Variants in COL5A3 observed in about 807,000 individuals in gnomAD.
COL5A3 encodes collagen alpha-3(V) chain.
A neutral mutation model predicts 250.0 loss-of-function variants in COL5A3; 172 were observed. That is an observed-to-expected ratio of 0.69 (90% CI 0.61 to 0.78). The LOEUF is 0.78. Ranked by LOEUF, COL5A3 falls within the 30% of genes least tolerant of loss-of-function variation. The pLI is 0.00. For synonymous variants in COL5A3, 937 were observed against 900.4 expected, an observed-to-expected ratio of 1.04 and a Z score of -0.73; for missense variants, 2,340 against 2,334.4, an observed-to-expected ratio of 1.00 and a Z score of -0.05.
chr19:9,986,692 G>A, intron 28 of COL5A3, 22 bp downstream of exon 28: 1 of 1,613,696 alleles, frequency 6.2e-7, no homozygotes, highest in Non-Finnish European at 8.5e-7. Context: ...CCTCTCCTCT[G>A]ATGAGTTCCT....
intron 19 of COL5A3, 84 bp downstream of exon 19, chr19:9,993,296 G>A: frequency 1.4e-6 from 2 of 1,476,326 alleles, no homozygotes; most frequent in Non-Finnish European, 1.9e-6. Context: ...TGGCCACTGA[G>A]ACCTCCAGAT....
Position 10,010,433 on chromosome 19 carries a change from G to T in COL5A3, c.-48C>A, listed in dbSNP as rs915160209. 5 of 1,254,836 alleles carry T rather than the reference G, an allele frequency of 4.0e-6. No homozygotes were observed. The highest frequency in any genetic ancestry group is 5.2e-6 in the Non-Finnish European group (5 of 970,016). The allele number at this position is 1,254,836 out of a possible 1,614,324, so 77.7% of individuals were successfully genotyped here. On this transcript the variant is annotated 5_prime_UTR_variant, in exon 1 of 67. Coordinates refer to ENST00000264828, the MANE Select transcript of COL5A3 (RefSeq NM_015719.4). ...GCGGGGAACCAGTCGGGGCGGCTGC[G>T]GGGCGCGGCGACTTCTCGGGCTCGG...
chr19:9,960,958 T>G (rs918542), intron 65 of COL5A3, 68 bp from the exon 66 acceptor site: 37 of 1,570,514 alleles, frequency 2.4e-5, no homozygotes, highest in African/African-American at 1.2e-4. Context: ...AGCCACCCCC[T>G]GGAATCTCCA....
At position 9,980,670 on chromosome 19, in the gene COL5A3, G is replaced by T; in HGVS notation, c.2582C>A (p.Ala861Asp). 1 of 1,613,810 alleles carries T rather than the reference G, an allele frequency of 6.2e-7. No individual in the cohort carries two copies. Among genetic ancestry groups the T allele is most frequent in the Non-Finnish European group, 8.5e-7 (1 of 1,179,980 alleles). Reference sequence around the variant, plus strand: ...CACCTTTTCTCCAGGGATCCCAGGGGCTCCATCCTGGCCCACATCGCCCTA... The same window carrying T: ...CACCTTTTCTCCAGGGATCCCAGGGTCTCCATCCTGGCCCACATCGCCCTA... ...GPKGDVGQDG[A>D]PGIPGEKGLP... is the part of the protein sequence containing the mutation. The change falls in exon 35 of 67, where the codon GCC (alanine) becomes GAC (aspartate). Residue 861 changes from alanine to aspartate, a missense_variant. Coordinates refer to ENST00000264828, the MANE Select transcript of COL5A3 (RefSeq NM_015719.4).
Position 9,974,314 on chromosome 19 carries a change from G to A in COL5A3, c.3437C>T (p.Pro1146Leu). 1.2e-6 allele frequency: 2 copies of A among 1,611,904 alleles called. No homozygotes were observed. Among genetic ancestry groups the A allele is most frequent in the Non-Finnish European group, 1.7e-6 (2 of 1,178,948 alleles). The change falls in exon 46 of 67, where the codon CCT becomes CTT. Residue 1146 changes from proline to leucine, a missense_variant. Around this residue, in one of 3 missense-constraint regions of COL5A3, gnomAD observed 1,179 missense variants for 1,162.6 expected, o/e 1.01. Coordinates refer to ENST00000264828, the MANE Select transcript of COL5A3 (RefSeq NM_015719.4). ...GVRGFVGVIG[P>L]PGLQGLPGPP... ...CCAGACACCCACCTGCAGTCCAGGAGGGCCAATCACCCCCACAAAGCCTCT... is the reference window on the plus strand; with the variant it reads ...CCAGACACCCACCTGCAGTCCAGGAAGGCCAATCACCCCCACAAAGCCTCT...
intron 41 of COL5A3, among the ~76,000 whole-genome samples, chr19:9,977,978 ATATAT>A (rs1287545630): frequency 1.7e-5 from 2 of 119,918 alleles, no homozygotes; most frequent in Non-Finnish European, 3.7e-5. Flanking sequence ...ATATATATAT[ATATAT>A]ATTTGTAGAG....
chr19:9,979,739 T>G, intron 37 of COL5A3, 100 bp downstream of exon 37: 1 of 1,143,074 alleles, frequency 8.7e-7, no homozygotes. Context: ...TGAGCCGAGA[T>G]TGCCCCACTG....
At chr19:9,992,125 G>A (rs2087202749) in intron 21 of COL5A3, 77 bp from the exon 22 acceptor site, 1 of 1,313,692 alleles carries the variant, frequency 7.6e-7, no homozygotes, top group African/African-American at 1.4e-5. Flanking sequence ...AGAGATGCAG[G>A]TGGAAAGGTG....
intron 41 of COL5A3, 118 bp from the exon 42 acceptor site, chr19:9,977,819 C>T (rs965513576): frequency 1.3e-6 from 1 of 747,894 alleles, no homozygotes; most frequent in Non-Finnish European, 1.9e-6. Context: ...AACCTGTTCC[C>T]CTCCTGCAGC....
intron 33 of COL5A3, 76 bp from the exon 34 acceptor site, chr19:9,980,935 TCCCC>T (rs1402867062): frequency 7.9e-6 from 12 of 1,527,662 alleles, no homozygotes; most frequent in Middle Eastern, 2.3e-4. Context: ...GTCTTCCAGG[TCCCC>T]TCCCCTTGTG....
In COL5A3 at chr19:9,996,639, T is replaced by G. The variant is rs761949679; in HGVS notation, c.1314A>C (p.Pro438=). 3 of 1,613,324 alleles carry G rather than the reference T, an allele frequency of 1.9e-6. No homozygotes were observed. Among genetic ancestry groups the G allele is most frequent in the African/African-American group, 1.3e-5 (1 of 74,966 alleles). ...GIPGIDGIRG[P]PGTVIMMPFQ... ...CCGGCATCATGATCACAGTGCCCGGTGGGCCTCGGATCCCATCAATGCCGG... is the reference window on the plus strand; with the variant it reads ...CCGGCATCATGATCACAGTGCCCGGGGGGCCTCGGATCCCATCAATGCCGG... Residue 438 remains proline (P), a synonymous_variant, in exon 12 of 67, where the codon CCA becomes CCC. Coordinates refer to ENST00000264828, the MANE Select transcript of COL5A3 (RefSeq NM_015719.4).
In COL5A3 at chr19:10,005,611, T is replaced by C; in HGVS notation, c.541A>G (p.Ile181Val). The change falls in exon 4 of 67, where the codon ATA becomes GTA. Residue 181 changes from isoleucine (I) to valine (V), a missense_variant. Around this residue, in one of 3 missense-constraint regions of COL5A3, gnomAD observed 1,152 missense variants for 1,146.3 expected, o/e 1.00. Coordinates refer to ENST00000264828, the MANE Select transcript of COL5A3 (RefSeq NM_015719.4). Reference sequence around the variant, plus strand: ...GTCCCCAGCACAGTGAGTCCAGCTATGCTGATGAAGCGGGGGCCATGGCCC... The same window carrying C: ...GTCCCCAGCACAGTGAGTCCAGCTACGCTGATGAAGCGGGGGCCATGGCCC... Reference protein sequence around the residue: ...VLGHGPRFISIAGLTVLGTQD... With the variant: ...VLGHGPRFISVAGLTVLGTQD... 6.2e-7 allele frequency: 1 copy of C among 1,614,130 alleles called. No individual in the cohort carries two copies.
At position 10,001,832 on chromosome 19, in the gene COL5A3, G is replaced by A. The variant is rs752184300; in HGVS notation, c.899C>T (p.Pro300Leu). The A allele has an allele frequency of 2.4e-5, 39 of 1,614,000 alleles. No homozygotes were observed. The highest frequency in any genetic ancestry group is 5.5e-5 in the South Asian group (5 of 91,088). ...KTETPAPNLP[P>L]TPTPLVVTST... ...GGTGACGACCAAAGGCGTGGGGGTC[G>A]GAGGCAGATTTGGAGCTGGAGTCTC... The change falls in exon 7 of 67, where the codon CCG (proline) becomes CTG (leucine). Residue 300 changes from proline (P) to leucine (L), a missense_variant. Physicochemically the swap from Pro to Leu is moderately conservative, Grantham distance 98. Transcript: ENST00000264828.
intron 35 of COL5A3, 135 bp downstream of exon 35, chr19:9,980,513 C>T (rs1332784076): frequency 2.3e-6 from 3 of 1,299,772 alleles, no homozygotes; most frequent in Non-Finnish European, 3.2e-6. Context: ...AGGCGTGCAC[C>T]ACCACACCCA....
chr19:9,980,422 G>C (rs934997461), intron 35 of COL5A3, among the ~76,000 whole-genome samples: 2 of 151,988 alleles, frequency 1.3e-5, no homozygotes, highest in Non-Finnish European at 2.9e-5. Flanking sequence ...GGAGTGCAGT[G>C]GTGTGATTAG....
rs1599546100 is a variant in COL5A3 at position 9,979,793 on chromosome 19, A to G, written c.2712+46T>C. 1.1e-5 allele frequency: 8 copies of G among 757,592 alleles called. No individual in the cohort carries two copies. The East Asian group carries it at 3.0e-4, about 28-fold the overall frequency. The allele number at this position is 757,592 out of a possible 1,614,324, so 46.9% of individuals were successfully genotyped here. On this transcript the variant is annotated intron_variant, in intron 37 of 66. Transcript: ENST00000264828. Reference sequence around the variant, plus strand: ...AGAGTGAGACTCTGTCTCAAAAAGAAAAAAAAAAAAAAGGATCAGGAATCA... The same window carrying G: ...AGAGTGAGACTCTGTCTCAAAAAGAGAAAAAAAAAAAAGGATCAGGAATCA...
intron 40 of COL5A3, 33 bp downstream of exon 40, chr19:9,978,858 G>C: frequency 7.7e-7 from 1 of 1,304,404 alleles, no homozygotes; most frequent in Non-Finnish European, 1.0e-6. Flanking sequence ...CCTTCTCTAA[G>C]GGACATGCAG....
At chr19:10,008,810 C>A (rs936704258) in intron 1 of COL5A3, among the ~76,000 whole-genome samples, 1 of 152,152 alleles carries the variant, frequency 6.6e-6, no homozygotes, top group Non-Finnish European at 1.5e-5. Flanking sequence ...TTTAACACCT[C>A]GGACTTCTGA....
chr19:10,000,713 A>AT (rs1429224676), intron 8 of COL5A3, among the ~76,000 whole-genome samples: 4 of 152,216 alleles, frequency 2.6e-5, no homozygotes, highest in African/African-American at 7.2e-5. Flanking sequence ...AGAGTCAACT[A>AT]TTAGCACAGT....
Sources: gnomAD v4.1 joint callset for allele counts (sites outside exome capture counted in the v4.1 genomes callset) on GRCh38, gnomAD v4.1.1 for gene constraint, gnomAD v4.1.1 regional missense constraint, MANE v1.5 for transcripts, NCBI Gene and HGNC (gene_info 2026-07-23, HGNC 2026-07-21) for gene names.